The following PHF21A variants were observed in gnomAD, a reference collection of about 807,000 sequenced individuals.
PHF21A encodes PHD finger protein 21A.
PHF21A carries 11 observed loss-of-function variants against 82.5 expected under a neutral mutation model. The observed-to-expected ratio is 0.13, with a 90% CI of 0.08 to 0.22. The LOEUF is 0.22. Ranked by LOEUF, PHF21A falls within the 10% of genes least tolerant of loss-of-function variation. The pLI is 1.00. For missense variants in PHF21A, 579 were observed against 837.8 expected (o/e 0.69, Z 3.81); for synonymous variants, 297 against 302.8 (o/e 0.98, Z 0.20).
At chr11:46,099,324 C>G (rs1433419565) in intron 1 of PHF21A, among the ~76,000 whole-genome samples, 1 of 152,146 alleles carries the variant, frequency 6.6e-6, no homozygotes, top group Non-Finnish European at 1.5e-5. Flanking sequence ...AAAACTCCTG[C>G]TGCATCGATA....
chr11:45,960,218 G>A (rs1281642603), intron 10 of PHF21A, among the ~76,000 whole-genome samples: 1 of 152,158 alleles, frequency 6.6e-6, no homozygotes, highest in Non-Finnish European at 1.5e-5. Flanking sequence ...TCATACAAAT[G>A]CTTGCACATG....
At chr11:46,041,688 AC>A (rs1340826614) in intron 6 of PHF21A, among the ~76,000 whole-genome samples, 2 of 152,176 alleles carry the variant, frequency 1.3e-5, no homozygotes, top group African/African-American at 4.8e-5. Context: ...TATTTTTAAG[AC>A]TTTTTATTTT....
chr11:45,949,939 A>G (rs2091881655), intron 12 of PHF21A, among the ~76,000 whole-genome samples: 1 of 152,238 alleles, frequency 6.6e-6, no homozygotes, highest in Admixed American at 6.5e-5. Flanking sequence ...TGTGCTGTTC[A>G]GAAAAAGAAG....
intron 6 of PHF21A, among the ~76,000 whole-genome samples, chr11:46,039,946 C>T (rs1227490245): frequency 6.6e-6 from 1 of 152,168 alleles, no homozygotes; most frequent in African/African-American, 2.4e-5. Context: ...TTTAAAAACC[C>T]TCAAATGAGT....
At chr11:46,039,254 A>G (rs968482303) in intron 6 of PHF21A, among the ~76,000 whole-genome samples, 1 of 152,216 alleles carries the variant, frequency 6.6e-6, no homozygotes, top group Non-Finnish European at 1.5e-5. Flanking sequence ...CTGTTTTAGT[A>G]TAGGTAGGGT....
chr11:46,011,392 G>A (rs2137384678), intron 6 of PHF21A, among the ~76,000 whole-genome samples: 1 of 152,256 alleles, frequency 6.6e-6, no homozygotes, highest in Non-Finnish European at 1.5e-5. Flanking sequence ...AGGAGGCTGA[G>A]GCAGGAGAAT....
intron 1 of PHF21A, among the ~76,000 whole-genome samples, chr11:46,098,369 C>G (rs1473596941): frequency 3.9e-5 from 6 of 152,122 alleles, no homozygotes; most frequent in African/African-American, 1.4e-4. Flanking sequence ...TAATAAAAGA[C>G]TTTGAGGCCA....
intron 6 of PHF21A, among the ~76,000 whole-genome samples, chr11:45,980,927 G>A (rs750041794): frequency 1.6e-4 from 24 of 152,142 alleles, no homozygotes; most frequent in Non-Finnish European, 3.4e-4. Context: ...ATTTAACTGC[G>A]TGGAGTGAAA....
chr11:45,965,328 C>T lies in PHF21A; in HGVS notation c.983G>A (p.Ser328Asn), dbSNP rs1409719764. 2.5e-6 allele frequency: 4 copies of T among 1,613,440 alleles called. No homozygotes were observed. Among genetic ancestry groups the T allele is most frequent in the African/African-American group, 2.7e-5 (2 of 74,914 alleles). The change falls in exon 10 of 19, where the codon AGT (serine) becomes AAT (asparagine). Residue 328 changes from serine to asparagine, a missense_variant. Transcript: ENST00000676320. Reference protein sequence around the residue: ...GPQTVQLSKPSLEKQTVKSHT... With the variant: ...GPQTVQLSKPNLEKQTVKSHT... ...CTCTGCCTGTACCTGTTTTTCAAGA[C>T]TTGGCTTGCTAAGCTGTACAGTTTG...
intron 6 of PHF21A, among the ~76,000 whole-genome samples, chr11:46,021,573 C>A (rs573054818): frequency 6.6e-6 from 1 of 151,036 alleles, no homozygotes; most frequent in South Asian, 2.1e-4. Flanking sequence ...GAGACAGGGT[C>A]TCACCCTGTC....
At chr11:45,980,755 T>C (rs1052221832) in intron 6 of PHF21A, among the ~76,000 whole-genome samples, 2 of 152,192 alleles carry the variant, frequency 1.3e-5, no homozygotes, top group Non-Finnish European at 2.9e-5. Flanking sequence ...TCTGTCCCAG[T>C]TGAAAACATT....
chr11:46,033,865 G>A (rs1244191150), intron 6 of PHF21A, among the ~76,000 whole-genome samples: 1 of 152,200 alleles, frequency 6.6e-6, no homozygotes, highest in Non-Finnish European at 1.5e-5. Flanking sequence ...GGACAGTGCT[G>A]CTCTAGAGTA....
intron 1 of PHF21A, among the ~76,000 whole-genome samples, chr11:46,096,043 C>T (rs749043938): frequency 9.1e-4 from 138 of 152,126 alleles, no homozygotes; most frequent in Non-Finnish European, 1.4e-3. Flanking sequence ...TAACTTCCAA[C>T]AGAAAGCAAG....
intron 3 of PHF21A, among the ~76,000 whole-genome samples, chr11:46,087,235 T>C (rs2096867097): frequency 6.6e-6 from 1 of 152,216 alleles, no homozygotes. Context: ...TCAGAAAACA[T>C]TATACTATCA....
chr11:45,965,533 G>C lies in PHF21A; in HGVS notation c.778C>G (p.Leu260Val), dbSNP rs868630590. Residue 260 changes from leucine (L) to valine (V), a missense_variant, in exon 10 of 19, where the codon CTT becomes GTT. Physicochemically the swap from Leu to Val is conservative, Grantham distance 32. Transcript: ENST00000676320. Reference protein sequence around the residue: ...APPPMLAAPQLIQRPVMLTKF... With the variant: ...APPPMLAAPQVIQRPVMLTKF... ...GTCAGCATGACGGGCCTCTGGATAAGCTGAGGAGCTGCGAGCATGGGAGGT... is the reference window on the plus strand; with the variant it reads ...GTCAGCATGACGGGCCTCTGGATAACCTGAGGAGCTGCGAGCATGGGAGGT... 5 of 1,603,962 alleles carry C rather than the reference G, an allele frequency of 3.1e-6. No homozygotes were observed. In the Middle Eastern group the frequency reaches 6.7e-4, roughly 214 times the overall value.
At position 45,979,830 on chromosome 11, in the gene PHF21A, T is replaced by G. The variant is rs373917512; in HGVS notation, c.290A>C (p.Gln97Pro). ...AQQQPLQQLQQQQQYHHHHAQ... is the reference protein window; with the variant it reads ...AQQQPLQQLQPQQQYHHHHAQ... ...GTGGTGGTGGTGGTACTGCTGCTGT[T>G]GTTGTAGTTGCTGTAGTGGTTGCTG... The change falls in exon 7 of 19, where the codon CAA (glutamine) becomes CCA (proline). Residue 97 changes from glutamine to proline, a missense_variant. Transcript: ENST00000676320. 4 of 1,613,990 alleles carry G rather than the reference T, an allele frequency of 2.5e-6. No individual in the cohort carries two copies. In the African/African-American group the frequency reaches 5.3e-5, roughly 22 times the overall value.
intron 6 of PHF21A, among the ~76,000 whole-genome samples, chr11:46,039,420 C>T (rs2096078583): frequency 6.6e-6 from 1 of 151,982 alleles, no homozygotes; most frequent in Non-Finnish European, 1.5e-5. Flanking sequence ...AGTCTTTGTC[C>T]CAGGCATAGT....
At chr11:45,993,326 T>C (rs1173818180) in intron 6 of PHF21A, among the ~76,000 whole-genome samples, 1 of 152,200 alleles carries the variant, frequency 6.6e-6, no homozygotes, top group Non-Finnish European at 1.5e-5. Flanking sequence ...CACAGCACTT[T>C]ACGATTGTAA....
chr11:46,053,462 A>G (rs1196361992), intron 6 of PHF21A, among the ~76,000 whole-genome samples: 1 of 152,090 alleles, frequency 6.6e-6, no homozygotes, highest in African/African-American at 2.4e-5. Context: ...TATAAATGAA[A>G]TCATTCTTAA....
Sources: allele counts gnomAD v4.1 joint callset (sites outside exome capture counted in the v4.1 genomes callset), GRCh38; gene constraint gnomAD v4.1.1; transcripts MANE v1.5; gene names NCBI Gene and HGNC (gene_info 2026-07-23, HGNC 2026-07-21).